BST1: variants seen among roughly 807,000 people sequenced by gnomAD.
The protein encoded by BST1 is ADP-ribosyl cyclase/cyclic ADP-ribose hydrolase 2.
BST1 carries 49 observed loss-of-function variants against 40.6 expected under a neutral mutation model. The ratio of observed to expected loss-of-function variants is 1.21; its 90% confidence interval spans 0.96 to 1.53. BST1 has a LOEUF of 1.53. BST1 is among the 40% of genes most tolerant of loss of function. BST1 has a pLI of 0.00. For missense variants in BST1, 423 were observed against 395.9 expected (o/e 1.07, Z -0.58); for synonymous variants, 157 against 159.3 (o/e 0.99, Z 0.11).
At chr4:15,768,843 A>G in the BST1 span, among the ~76,000 whole-genome samples, 1 of 152,178 alleles carries the variant, frequency 6.6e-6, no homozygotes, top group African/African-American at 2.4e-5. Flanking sequence ...GCTTGGGGAA[A>G]AAAAAGCCCT....
intron 4 of BST1, among the ~76,000 whole-genome samples, chr4:15,715,041 A>T (rs1720429876): frequency 6.6e-6 from 1 of 152,114 alleles, no homozygotes; most frequent in African/African-American, 2.4e-5. Flanking sequence ...GATACTGTGT[A>T]TTTTCTATTA....
At chr4:15,706,151 A>C (rs1364976783) in intron 2 of BST1, among the ~76,000 whole-genome samples, 2 of 152,242 alleles carry the variant, frequency 1.3e-5, no homozygotes, top group African/African-American at 4.8e-5. Flanking sequence ...ATAGGGGATT[A>C]CAATTTTACA....
chr4:15,741,935 A>G (rs1721758111), downstream of BST1, among the ~76,000 whole-genome samples: 1 of 152,186 alleles, frequency 6.6e-6, no homozygotes, highest in African/African-American at 2.4e-5. Context: ...GATGCATAAT[A>G]TGGTTGGTGC....
chr4:15,753,577 G>A, the BST1 span, among the ~76,000 whole-genome samples: 83 of 152,288 alleles, frequency 5.5e-4, 3 homozygotes, highest in South Asian at 0.017. Flanking sequence ...GAGACACAGA[G>A]CCACAAACAG....
At chr4:15,740,529 G>C (rs1018988014), downstream of BST1, among the ~76,000 whole-genome samples, 1 of 152,086 alleles carries the variant, frequency 6.6e-6, no homozygotes, top group African/African-American at 2.4e-5. Flanking sequence ...CCAGATGAGA[G>C]GTGAAGGTGT....
chr4:15,743,392 A>G, the BST1 span: 2 of 292,644 alleles, frequency 6.8e-6, no homozygotes, highest in East Asian at 9.7e-5. Flanking sequence ...GCTGTAGGAT[A>G]TATGTATGAA....
chr4:15,736,626 T>C (rs114978865), downstream of BST1, among the ~76,000 whole-genome samples: 653 of 150,602 alleles, frequency 4.3e-3, 4 homozygotes, highest in African/African-American at 0.015. Flanking sequence ...AAAAAAAAAA[T>C]CTGCGATTCA....
At position 15,707,509 on chromosome 4, in the gene BST1, A is replaced by G. The variant is rs1719944002; in HGVS notation, c.316-2A>G. 2 of 1,613,540 alleles carry G rather than the reference A, an allele frequency of 1.2e-6. No homozygotes were observed. Among genetic ancestry groups the G allele is most frequent in the Admixed American group, 1.7e-5 (1 of 59,956 alleles). On this transcript the variant is annotated splice_acceptor_variant, in intron 2 of 8. Transcript: ENST00000265016. LOFTEE classifies it high-confidence loss of function. ...TTTGATGTTTTGTTTGTCTTTCCTT[A>G]GTCCCTGTTCTGGGAAAATAGCCAC...
chr4:15,707,867 A>ATG (rs1719978076), intron 3 of BST1, among the ~76,000 whole-genome samples: 1 of 147,604 alleles, frequency 6.8e-6, no homozygotes, highest in Non-Finnish European at 1.5e-5. Flanking sequence ...ATATATATAT[A>ATG]TATATATACA....
At chr4:15,745,675 A>ATTTTG in the BST1 span, among the ~76,000 whole-genome samples, 3 of 152,264 alleles carry the variant, frequency 2.0e-5, no homozygotes, top group East Asian at 5.8e-4. Flanking sequence ...AAATCCAGAG[A>ATTTTG]AACCTTCCAT....
chr4:15,730,964 A>G, intron 8 of BST1: 1 of 442,334 alleles, frequency 2.3e-6, no homozygotes, highest in South Asian at 3.1e-5. Flanking sequence ...AATGTGCCTT[A>G]ATATAGGCAC....
At chr4:15,720,004 A>G (rs1720724906) in intron 7 of BST1, among the ~76,000 whole-genome samples, 1 of 152,222 alleles carries the variant, frequency 6.6e-6, no homozygotes, top group Admixed American at 6.5e-5. Flanking sequence ...TATGTACAGA[A>G]AAATATACAA....
chr4:15,735,307 G>A (rs1721515427), downstream of BST1, among the ~76,000 whole-genome samples: 1 of 152,058 alleles, frequency 6.6e-6, no homozygotes, highest in East Asian at 1.9e-4. Flanking sequence ...CTTCACCCTG[G>A]GACTGTGGCT....
downstream of BST1, among the ~76,000 whole-genome samples, chr4:15,737,496 A>C (rs531968461): frequency 2.0e-5 from 3 of 152,332 alleles, no homozygotes; most frequent in South Asian, 6.2e-4. Flanking sequence ...TGGCAAAAGC[A>C]GCTAAGAAAA....
At chr4:15,757,036 AG>A in the BST1 span, among the ~76,000 whole-genome samples, 4,992 of 152,366 alleles carry the variant, frequency 0.033, 274 homozygotes, top group African/African-American at 0.11. Context: ...CATCTGTATC[AG>A]GAAGAGGGCT....
chr4:15,754,281 G>A, the BST1 span, among the ~76,000 whole-genome samples: 1 of 152,190 alleles, frequency 6.6e-6, no homozygotes, highest in Non-Finnish European at 1.5e-5. Flanking sequence ...GGCTTCATGA[G>A]TCGCTAAAGT....
intron 4 of BST1, 68 bp from the exon 5 acceptor site, chr4:15,715,217 A>G: frequency 7.0e-7 from 1 of 1,429,118 alleles, no homozygotes; most frequent in Non-Finnish European, 9.8e-7. Flanking sequence ...AATTTGTAAA[A>G]AATGCACATT....
At chr4:15,746,380 G>A in the BST1 span, among the ~76,000 whole-genome samples, 2,128 of 152,290 alleles carry the variant, frequency 0.014, 53 homozygotes, top group African/African-American at 0.048. Flanking sequence ...CATAGACTGG[G>A]TAATTTGTAA....
At chr4:15,719,548 C>T (rs1433271574) in intron 7 of BST1, among the ~76,000 whole-genome samples, 1 of 152,092 alleles carries the variant, frequency 6.6e-6, no homozygotes, top group East Asian at 1.9e-4. Flanking sequence ...AAGGTAGTTG[C>T]AAGCCATCTC....
Sources: allele counts gnomAD v4.1 joint callset (sites outside exome capture counted in the v4.1 genomes callset), GRCh38; gene constraint gnomAD v4.1.1; transcripts MANE v1.5; gene names NCBI Gene and HGNC (gene_info 2026-07-23, HGNC 2026-07-21).